The following STUM variants were observed in gnomAD, a reference collection of about 807,000 sequenced individuals.
The protein encoded by STUM is stum, mechanosensory transduction mediator homolog.
A neutral mutation model predicts 15.3 loss-of-function variants in STUM; 8 were observed. The observed-to-expected ratio is 0.52, with a 90% CI of 0.31 to 0.94. The LOEUF is 0.94. Among genes scored for constraint, STUM ranks in the 40% least tolerant of loss-of-function variants. The pLI is 0.05. For synonymous variants in STUM, 78 were observed against 88.7 expected (o/e 0.88, Z 0.68); for missense variants, 142 against 204.9 (o/e 0.69, Z 1.87).
intron 1 of STUM, among the ~76,000 whole-genome samples, chr1:226,590,832 A>G (rs1051227726): frequency 8.5e-5 from 13 of 152,100 alleles, no homozygotes; most frequent in African/African-American, 3.1e-4. Flanking sequence ...ATGAGTCCCC[A>G]TCAGCTTCCC....
chr1:226,555,192 G>T (rs1055144145), intron 1 of STUM, among the ~76,000 whole-genome samples: 1 of 152,158 alleles, frequency 6.6e-6, no homozygotes, highest in South Asian at 2.1e-4. Flanking sequence ...TCTTGACCCT[G>T]ATCTTCTCTT....
chr1:226,553,249 G>A (rs896060679), intron 1 of STUM, among the ~76,000 whole-genome samples: 1 of 152,152 alleles, frequency 6.6e-6, no homozygotes, highest in Non-Finnish European at 1.5e-5. Flanking sequence ...AGAGGTCTCC[G>A]AAGGTGACAT....
intron 1 of STUM, among the ~76,000 whole-genome samples, chr1:226,556,131 C>T (rs1406206250): frequency 1.3e-5 from 2 of 152,180 alleles, no homozygotes; most frequent in Non-Finnish European, 2.9e-5. Flanking sequence ...CATCCGAATT[C>T]CTTCTGAGAA....
At chr1:226,588,061 A>G (rs1482444293) in intron 1 of STUM, among the ~76,000 whole-genome samples, 3 of 152,200 alleles carry the variant, frequency 2.0e-5, no homozygotes, top group Non-Finnish European at 4.4e-5. Flanking sequence ...TTCATTCTGC[A>G]AAAGTGTGTG....
At chr1:226,564,792 G>A (rs1171927351) in intron 1 of STUM, among the ~76,000 whole-genome samples, 2 of 152,188 alleles carry the variant, frequency 1.3e-5, no homozygotes, top group East Asian at 3.9e-4. Context: ...CTGAGATCTG[G>A]AATCCTGGCT....
rs985323997 is a variant in STUM, at chr1:226,603,318, G to A, written c.*1278G>A. 6.6e-6 allele frequency: 1 copy of A among 152,236 alleles called. No individual in the cohort carries two copies. Among genetic ancestry groups the A allele is most frequent in the African/African-American group, 2.4e-5 (1 of 41,450 alleles). 9.4% of individuals were successfully genotyped at this position (152,236 alleles called of 1,614,324 possible). The stretch of plus-strand genomic sequence containing the variant: ...GGACAGGGCTAGATCCCTAATGGGG[G>A]CTAGGGGTGGGGAGAATCTAGCAGA... On this transcript the variant is annotated 3_prime_UTR_variant, in exon 4 of 4. Transcript: ENST00000366788.
chr1:226,594,553 A>C (rs1430572469), intron 1 of STUM, among the ~76,000 whole-genome samples: 1 of 152,172 alleles, frequency 6.6e-6, no homozygotes, highest in East Asian at 1.9e-4. Flanking sequence ...TGGTGGGTTC[A>C]ATGCTCACCT....
At chr1:226,557,795 T>C (rs1373189436) in intron 1 of STUM, among the ~76,000 whole-genome samples, 1 of 152,230 alleles carries the variant, frequency 6.6e-6, no homozygotes, top group Non-Finnish European at 1.5e-5. Flanking sequence ...TCCACCATGA[T>C]TAAGATTTAT....
chr1:226,572,138 C>T (rs547571108), intron 1 of STUM, among the ~76,000 whole-genome samples: 16 of 152,312 alleles, frequency 1.1e-4, no homozygotes, highest in African/African-American at 3.1e-4. Context: ...ATACCGGCTG[C>T]GGTGAGAACC....
At chr1:226,570,363 C>G (rs1304296684) in intron 1 of STUM, among the ~76,000 whole-genome samples, 1 of 152,336 alleles carries the variant, frequency 6.6e-6, no homozygotes, top group Admixed American at 6.5e-5. Context: ...CAGGGATCAT[C>G]CAAAGCACAT....
intron 1 of STUM, among the ~76,000 whole-genome samples, chr1:226,595,532 G>T (rs1282794577): frequency 6.6e-6 from 1 of 152,168 alleles, no homozygotes; most frequent in African/African-American, 2.4e-5. Context: ...CCAAACAGTG[G>T]CCCCTAAAGA....
rs564110384 is a variant in STUM, at chr1:226,583,524, C to G, written c.203-13278C>G. Among the ~76,000 whole-genome samples the G allele has an allele frequency of 4.6e-5, 7 of 152,262 alleles. No homozygotes were observed. In the East Asian group the frequency reaches 9.7e-4, roughly 21 times the overall value. The stretch of plus-strand genomic sequence containing the variant: ...AGACAAGCAAGCACACATGTCTATC[C>G]TACAGGACAGCATAAAGCAATTCTG... On this transcript the variant is annotated intron_variant, in intron 1 of 3. Coordinates refer to ENST00000366788, the MANE Select transcript of STUM (RefSeq NM_001003665.4).
rs556122667 is a variant in STUM at position 226,565,844 on chromosome 1, G to A, written c.202+16738G>A. Among the ~76,000 whole-genome samples, 6 of 152,310 alleles carry A rather than the reference G, an allele frequency of 3.9e-5. No homozygotes were observed. Among genetic ancestry groups the A allele is most frequent in the East Asian group, 3.9e-4 (2 of 5,184 alleles). On this transcript the variant is annotated intron_variant, in intron 1 of 3. Transcript: ENST00000366788. This position sits in a 1 kb window ranked among gnomAD's most constrained non-coding sequence, Gnocchi z 4.4. Reference sequence around the variant, plus strand: ...AGAAACCCAGATGGCTGGAAGCATCGCTGCCTTCCCGGAATGTCATCTCCC... The same window carrying A: ...AGAAACCCAGATGGCTGGAAGCATCACTGCCTTCCCGGAATGTCATCTCCC...
rs1484074352 is a variant in STUM at position 226,609,032 on chromosome 1, G to A, written c.*6992G>A. 4 of 152,172 alleles carry A rather than the reference G, an allele frequency of 2.6e-5. No individual in the cohort carries two copies. Among genetic ancestry groups the A allele is most frequent in the Non-Finnish European group, 4.4e-5 (3 of 68,044 alleles). 9.4% of individuals were successfully genotyped at this position (152,172 alleles called of 1,614,324 possible). On this transcript the variant is annotated 3_prime_UTR_variant, in exon 4 of 4. Coordinates refer to ENST00000366788, the MANE Select transcript of STUM (RefSeq NM_001003665.4). ...ATACTATATATGACAGTCAAAACCTGTGTACATATTTCCATGTACATATTT... is the reference window on the plus strand; with the variant it reads ...ATACTATATATGACAGTCAAAACCTATGTACATATTTCCATGTACATATTT...
chr1:226,558,701 GTGTT>G (rs967532158), intron 1 of STUM, among the ~76,000 whole-genome samples: 22 of 152,214 alleles, frequency 1.4e-4, no homozygotes, highest in Non-Finnish European at 2.6e-4. Context: ...GTGCACCTGT[GTGTT>G]TGTGTGCACA....
intron 1 of STUM, among the ~76,000 whole-genome samples, chr1:226,563,032 G>A (rs1667567385): frequency 6.6e-6 from 1 of 152,196 alleles, no homozygotes; most frequent in African/African-American, 2.4e-5. Context: ...AATGTGGAGA[G>A]AAAGAGAATG....
At chr1:226,588,934 C>T (rs1006863718) in intron 1 of STUM, among the ~76,000 whole-genome samples, 3 of 152,222 alleles carry the variant, frequency 2.0e-5, no homozygotes, top group Non-Finnish European at 4.4e-5. Context: ...GAAAAAAGGC[C>T]TTCCTCAACC....
chr1:226,597,195 A>G (rs1465780854), intron 2 of STUM, among the ~76,000 whole-genome samples: 1 of 152,232 alleles, frequency 6.6e-6, no homozygotes, highest in Admixed American at 6.5e-5. Flanking sequence ...GGGAATTATG[A>G]GTGGATGGCA....
rs1558288550 is a variant in STUM, at chr1:226,600,992, A to G, written c.391+318A>G. ...ACCCAAAATTGAGAAATACTCTGCT[A>G]AATGAAGAGAAAAAAGCAGCTCAAT... On this transcript the variant is annotated intron_variant, in intron 3 of 3. Transcript: ENST00000366788. The surrounding 1 kb of genome is among the most constrained non-coding windows in gnomAD (Gnocchi z 5.2). Among the ~76,000 whole-genome samples the G allele has an allele frequency of 6.6e-6, 1 of 152,230 alleles. No individual in the cohort carries two copies. Among genetic ancestry groups the G allele is most frequent in the Non-Finnish European group, 1.5e-5 (1 of 68,036 alleles).
Sources: gnomAD v4.1 joint callset for allele counts (sites outside exome capture counted in the v4.1 genomes callset) on GRCh38, gnomAD v4.1.1 for gene constraint, Gnocchi (gnomAD v3.1) non-coding constraint, MANE v1.5 for transcripts, NCBI Gene and HGNC (gene_info 2026-07-23, HGNC 2026-07-21) for gene names.